Variants in SRGAP2B observed in about 807,000 individuals in gnomAD.
SRGAP2B encodes SLIT-ROBO Rho GTPase activating protein 2B, also known as SLIT-ROBO Rho GTPase-activating protein 2B.
In SRGAP2B, 9 loss-of-function variants were observed where a neutral mutation model predicts 22.2. That is an observed-to-expected ratio of 0.41 (90% CI 0.24 to 0.71). The LOEUF (loss-of-function observed/expected upper bound fraction) is 0.71. SRGAP2B is among the 30% of genes least tolerant of loss of function. The pLI, the probability that SRGAP2B is intolerant of heterozygous loss-of-function variation, is 0.35. For synonymous variants in SRGAP2B, 36 were observed against 87.4 expected, an observed-to-expected ratio of 0.41 and a Z score of 3.28; for missense variants, 114 against 235.8, an observed-to-expected ratio of 0.48 and a Z score of 3.38.
chr1:145,057,544 GGT>G (rs1404215378), intron 2 of SRGAP2B, among the ~76,000 whole-genome samples: 1 of 55,006 alleles, frequency 1.8e-5, no homozygotes, highest in African/African-American at 7.7e-5. Context: ...AACCAGCAGA[GGT>G]AGAAAAGGAA....
chr1:144,975,152 C>T (rs1173487197), intron 3 of SRGAP2B, among the ~76,000 whole-genome samples: 3 of 149,518 alleles, frequency 2.0e-5, no homozygotes, highest in Admixed American at 1.3e-4. Context: ...CCTGAATCTG[C>T]GCCATCTTTT....
chr1:145,090,175 C>T (rs1653849066), intron 2 of SRGAP2B, among the ~76,000 whole-genome samples: 1 of 148,444 alleles, frequency 6.7e-6, no homozygotes, highest in Non-Finnish European at 1.5e-5. Context: ...TAATTCTGAC[C>T]CAGGGCTTCT....
At chr1:144,973,987 G>A (rs587756462) in intron 3 of SRGAP2B, among the ~76,000 whole-genome samples, 1 of 150,366 alleles carries the variant, frequency 6.7e-6, no homozygotes, top group South Asian at 2.1e-4. Flanking sequence ...AGACACAGAG[G>A]CCCCAGCCTT....
At chr1:144,925,798 G>A (rs1391922400) in intron 4 of SRGAP2B, among the ~76,000 whole-genome samples, 2 of 102,444 alleles carry the variant, frequency 2.0e-5, no homozygotes, top group African/African-American at 7.4e-5. Context: ...AAAGAAAGGA[G>A]AGAGAAAGAA....
chr1:144,906,040 C>T (rs1662967415), exon 6 of SRGAP2B: 7 of 708,158 alleles, frequency 9.9e-6, no homozygotes, highest in East Asian at 8.1e-5. Context: ...AGCACTGATG[C>T]TGTCGGCATT....
At chr1:145,088,897 G>A (rs1653694263) in intron 2 of SRGAP2B, among the ~76,000 whole-genome samples, 2 of 146,314 alleles carry the variant, frequency 1.4e-5, no homozygotes, top group African/African-American at 2.5e-5. Flanking sequence ...CAACCAAATG[G>A]GAATGGAAAA....
chr1:144,943,944 A>T lies in SRGAP2B; in HGVS notation c.423+11495T>A, dbSNP rs868927792. Among the ~76,000 whole-genome samples the T allele has an allele frequency of 4.4e-4, 67 of 150,664 alleles. 6 individuals are homozygous for T. Among genetic ancestry groups the T allele is most frequent in the African/African-American group, 1.7e-3 (67 of 40,252 alleles). ...AAGGAAGATAGAATTTGGCATTCAA[A>T]GCCTGCCAAGTTAGAGGGGCTTGAT... On this transcript the variant is annotated intron_variant, in intron 4 of 9. Transcript: ENST00000612199.
chr1:144,950,963 T>A (rs1666808332), intron 4 of SRGAP2B, among the ~76,000 whole-genome samples: 1 of 150,002 alleles, frequency 6.7e-6, no homozygotes, highest in Non-Finnish European at 1.5e-5. Context: ...ATTCTCCTGC[T>A]TCAATCTCTT....
chr1:145,002,438 A>T (rs1671251971), intron 2 of SRGAP2B, among the ~76,000 whole-genome samples: 1 of 82,470 alleles, frequency 1.2e-5, no homozygotes, highest in Non-Finnish European at 2.3e-5. Context: ...TGCCTAGGCC[A>T]GGCATGGTGG....
In SRGAP2B at chr1:145,066,646, T is replaced by C. The variant is rs1267010319; in HGVS notation, c.67+26189A>G. 2.6e-5 allele frequency among the ~76,000 whole-genome samples: 4 copies of C among 151,704 alleles called. No homozygotes were observed. The East Asian group carries it at 7.8e-4, about 29-fold the overall frequency. On this transcript the variant is annotated intron_variant, in intron 2 of 9. Coordinates refer to ENST00000612199, the Ensembl canonical transcript of SRGAP2B. ...TCTCCACTATGTAAACGTAACTTAC[T>C]GTGAGCGCCCAGGCCGTCTGGCTAC...
intron 3 of SRGAP2B, among the ~76,000 whole-genome samples, chr1:144,961,532 G>GT (rs1667671445): frequency 7.0e-6 from 1 of 142,068 alleles, no homozygotes; most frequent in Non-Finnish European, 1.5e-5. Flanking sequence ...GAACATACAA[G>GT]TATGTGGTGA....
At chr1:144,952,974 TTTA>T (rs1666992820) in intron 4 of SRGAP2B, among the ~76,000 whole-genome samples, 2 of 145,024 alleles carry the variant, frequency 1.4e-5, no homozygotes, top group Non-Finnish European at 3.0e-5. Flanking sequence ...CAGCTCCTAA[TTTA>T]AGAGTTTTCT....
chr1:144,914,179 C>A (rs1400564023), intron 5 of SRGAP2B, among the ~76,000 whole-genome samples: 4 of 151,830 alleles, frequency 2.6e-5, no homozygotes, highest in Non-Finnish European at 4.4e-5. Flanking sequence ...GAAGCCAGTG[C>A]AAAGCTCTCT....
At chr1:144,966,823 A>C (rs1388129847) in intron 3 of SRGAP2B, among the ~76,000 whole-genome samples, 7 of 149,466 alleles carry the variant, frequency 4.7e-5, no homozygotes, top group African/African-American at 1.8e-4. Flanking sequence ...AAAACAAAAA[A>C]AGGAAGGGGT....
chr1:144,894,004 A>C (rs1234315463), intron 8 of SRGAP2B, among the ~76,000 whole-genome samples: 1 of 145,002 alleles, frequency 6.9e-6, no homozygotes, highest in Non-Finnish European at 1.5e-5. Context: ...TCAATGAGAA[A>C]GCGTGAAGCC....
At chr1:144,966,852 T>A (rs368240072) in intron 3 of SRGAP2B, among the ~76,000 whole-genome samples, 1 of 148,778 alleles carries the variant, frequency 6.7e-6, no homozygotes, top group Non-Finnish European at 1.5e-5. Context: ...TAGTCTCTGA[T>A]AAAACAGACT....
chr1:145,081,079 G>A (rs1191378906), intron 2 of SRGAP2B, among the ~76,000 whole-genome samples: 1 of 149,230 alleles, frequency 6.7e-6, no homozygotes, highest in African/African-American at 2.5e-5. Flanking sequence ...GCATCTCATA[G>A]TTTCAACTGA....
intron 3 of SRGAP2B, among the ~76,000 whole-genome samples, chr1:144,974,751 C>CG: frequency 6.9e-6 from 1 of 145,254 alleles, no homozygotes; most frequent in South Asian, 2.2e-4. Flanking sequence ...TGCAGTGCCC[C>CG]GGGGCTTCAT....
At chr1:144,925,727 A>AAAAGAAGG (rs1553604881) in intron 4 of SRGAP2B, among the ~76,000 whole-genome samples, 1 of 104,156 alleles carries the variant, frequency 9.6e-6, no homozygotes, top group Non-Finnish European at 1.9e-5. Flanking sequence ...AGAGAGAAAG[A>AAAAGAAGG]AAAGAAAGAA....
Sources: allele counts gnomAD v4.1 joint callset (sites outside exome capture counted in the v4.1 genomes callset), GRCh38; gene constraint gnomAD v4.1.1; transcripts MANE v1.5; gene names NCBI Gene and HGNC (gene_info 2026-07-23, HGNC 2026-07-21).